FLG: variants seen among roughly 807,000 people sequenced by gnomAD.
The protein encoded by FLG is filaggrin.
In FLG, 6 loss-of-function variants were observed where a neutral mutation model predicts 3.8. The observed-to-expected ratio is 1.60, with a 90% CI of 0.87 to 3.15. FLG has a LOEUF of 3.15. Among genes scored for constraint, FLG ranks in the 30% most tolerant of loss-of-function variants. FLG has a pLI of 0.00. For missense variants in FLG, 7,595 were observed against 5,050.9 expected (o/e 1.50, Z -15.27); for synonymous variants, 2,551 against 1,931.6 (o/e 1.32, Z -8.41).
rs746611119 is a variant in FLG, at chr1:152,312,092, G to T, written c.2794C>A (p.Gln932Lys). Residue 932 changes from glutamine (Q) to lysine (K), a missense_variant, in exon 3 of 3, where the codon CAA (glutamine) becomes AAA (lysine). Gln to Lys is a moderately conservative substitution (Grantham distance 53, BLOSUM62 1). Transcript: ENST00000368799. ...CTGCTTGTCCTGGACCCCTCTGATT[G>T]TCCCTGGCCTGCCTGTGAGTGTCTA... Reference protein sequence around the residue: ...ISRHSQAGQGQSEGSRTSRRQ... With the variant: ...ISRHSQAGQGKSEGSRTSRRQ... The T allele has an allele frequency of 4.1e-5, 66 of 1,613,960 alleles. No homozygotes were observed. The highest frequency in any genetic ancestry group is 3.3e-4 in the Middle Eastern group (2 of 6,084).
rs781757341 is a variant in FLG, at chr1:152,307,610, A to G, written c.7276T>C (p.Ser2426Pro). Residue 2426 changes from serine (S) to proline (P), a missense_variant, in exon 3 of 3, where the codon TCC becomes CCC. By Grantham distance (74) the Ser-to-Pro change is moderately conservative (BLOSUM62 -1). Transcript: ENST00000368799. ...CTGGTCCCGGTCCGTCCATGGGCGG[A>G]CTCAGACTGTTCATGAGTGCTCACC... ...YQVSTHEQSE[S>P]AHGRTGTSTG... 8.1e-6 allele frequency: 13 copies of G among 1,612,394 alleles called. No homozygotes were observed. The Admixed American group carries it at 1.7e-4, about 21-fold the overall frequency.
Position 152,306,329 on chromosome 1 carries a change from G to T in FLG, c.8557C>A (p.His2853Asn), listed in dbSNP as rs757231985. The change falls in exon 3 of 3, where the codon CAC (histidine) becomes AAC (asparagine). Residue 2853 changes from histidine to asparagine, a missense_variant. Transcript: ENST00000368799. The stretch of plus-strand genomic sequence containing the variant: ...GCTTCATGGTGACGCGACCCTGAGT[G>T]CCTGGAGCCGTCTCCTGATTGTTCC... ...NEEQSGDGSR[H>N]SGSRHHEAST... 3 of 1,602,288 alleles carry T rather than the reference G, an allele frequency of 1.9e-6. No individual in the cohort carries two copies. The highest frequency in any genetic ancestry group is 2.2e-5 in the East Asian group (1 of 44,904).
In FLG at chr1:152,308,828, A is replaced by T. The variant is rs7512857; in HGVS notation, c.6058T>A (p.Ser2020Thr). Residue 2020 changes from serine (S) to threonine (T), a missense_variant, in exon 3 of 3, where the codon TCA (serine) becomes ACA (threonine). Physicochemically the swap from Ser to Thr is moderately conservative, Grantham distance 58 (BLOSUM62 1). Coordinates refer to ENST00000368799, the MANE Select transcript of FLG (RefSeq NM_002016.2). ...GAAGCTTGTCCATGCCCAATGCCTG[A>T]GTGTCTGGAGCTGTCTGCTGACTGG... is the stretch of plus-strand genomic sequence containing the variant. ...QLQSADSSRH[S>T]GIGHGQASSA... The T allele has an allele frequency of 1.5e-5, 25 of 1,613,804 alleles. No individual in the cohort carries two copies. In the African/African-American group the frequency reaches 1.9e-4, roughly 12 times the overall value.
At position 152,302,349 on chromosome 1, in the gene FLG, T is replaced by C. The variant is rs1651663200; in HGVS notation, c.*351A>G. ...GAACTGTTTTATATTTTTGGCTCCT[T>C]CGATATTTCTGAAAAAGATTAATTT... On this transcript the variant is annotated 3_prime_UTR_variant, in exon 3 of 3. Coordinates refer to ENST00000368799, the MANE Select transcript of FLG (RefSeq NM_002016.2). The C allele has an allele frequency of 6.9e-6, 2 of 291,124 alleles. No homozygotes were observed. The allele number at this position is 291,124 out of a possible 1,614,324, so 18.0% of individuals were successfully genotyped here.
Position 152,303,150 on chromosome 1 carries a change from A to G in FLG, c.11736T>C (p.His3912=), listed in dbSNP as rs1431616274. The change falls in exon 3 of 3, where the codon CAT becomes CAC. Residue 3912 remains histidine, a synonymous_variant. Coordinates refer to ENST00000368799, the MANE Select transcript of FLG (RefSeq NM_002016.2). ...CTGACTGTACAGGTGAAGACTGTAC[A>G]TGACTGGCTGTATCGCGGTGAGAGG... is the stretch of plus-strand genomic sequence containing the variant. ...PGSSHRDTAS[H]VQSSPVQSDS... is the part of the protein sequence containing the mutation. The G allele has an allele frequency of 6.2e-7, 1 of 1,614,202 alleles. No individual in the cohort carries two copies. The highest frequency in any genetic ancestry group is 8.5e-7 in the Non-Finnish European group (1 of 1,180,028).
At position 152,312,242 on chromosome 1, in the gene FLG, C is replaced by T. The variant is rs1344006895; in HGVS notation, c.2644G>A (p.Ala882Thr). The change falls in exon 3 of 3, where the codon GCC becomes ACC. Residue 882 changes from alanine to threonine, a missense_variant. Coordinates refer to ENST00000368799, the MANE Select transcript of FLG (RefSeq NM_002016.2). The part of the protein sequence containing the change: ...SHTTSQGRSD[A>T]SRGQSGSRSA... ...CTGGATCCTGACTGCCCACGGGAGG[C>T]ATCAGACCTTCCCTGGGATGTGGTG... 1.2e-6 allele frequency: 2 copies of T among 1,613,808 alleles called. No individual in the cohort carries two copies. The highest frequency in any genetic ancestry group is 2.2e-5 in the East Asian group (1 of 44,824).
At position 152,311,426 on chromosome 1, in the gene FLG, T is replaced by A. The variant is rs148527777; in HGVS notation, c.3460A>T (p.Arg1154Trp). Residue 1154 changes from arginine (R) to tryptophan (W), a missense_variant, in exon 3 of 3, where the codon AGG (arginine) becomes TGG (tryptophan). Transcript: ENST00000368799. ...SHHEQARDSSRHSASQEGQDT... is the reference protein window; with the variant it reads ...SHHEQARDSSWHSASQEGQDT... ...TGACCCTCTTGGGACGCTGAGTGCC[T>A]GGAGCTGTCTCGTGCCTGCTCGTGG... is the stretch of plus-strand genomic sequence containing the variant. 123 of 1,613,994 alleles carry A rather than the reference T, an allele frequency of 7.6e-5. No homozygotes were observed. The African/African-American group carries it at 1.3e-3, about 17-fold the overall frequency.
intron 1 of FLG, among the ~76,000 whole-genome samples, chr1:152,322,474 C>T (rs897324771): frequency 6.7e-6 from 1 of 150,278 alleles, no homozygotes; most frequent in Non-Finnish European, 1.5e-5. Context: ...GCAATAAACA[C>T]TTAGAAAATG....
Position 152,313,438 on chromosome 1 carries a change from C to T in FLG, c.1448G>A (p.Gly483Glu). Residue 483 changes from glycine to glutamate, a missense_variant, in exon 3 of 3, where the codon GGA becomes GAA. By Grantham distance (98) the Gly-to-Glu change is moderately conservative (BLOSUM62 -2). Transcript: ENST00000368799. ...STHEQPDSAHGRTGTSTGGRQ... is the reference protein window; with the variant it reads ...STHEQPDSAHERTGTSTGGRQ... ...TCCTCCAGTGCTGGTCCCGGTCCGT[C>T]CATGGGCAGAGTCAGGCTGTTCATG... 6 of 1,613,870 alleles carry T rather than the reference C, an allele frequency of 3.7e-6. No homozygotes were observed. The highest frequency in any genetic ancestry group is 5.1e-6 in the Non-Finnish European group (6 of 1,179,982).
chr1:152,311,605 G>T lies in FLG; in HGVS notation c.3281C>A (p.Pro1094His). ...GGACTCTTGGTGGCTCTGCTGATGG[G>T]GCCCATCCTGTCCATGGCCTGACAC... ...QSVSGHGQDGPHQQSHQESAR... is the reference protein window; with the variant it reads ...QSVSGHGQDGHHQQSHQESAR... Residue 1094 changes from proline (P) to histidine (H), a missense_variant, in exon 3 of 3, where the codon CCC becomes CAC. By Grantham distance (77) the Pro-to-His change is moderately conservative. Coordinates refer to ENST00000368799, the MANE Select transcript of FLG (RefSeq NM_002016.2). 4.3e-6 allele frequency: 7 copies of T among 1,613,978 alleles called. No individual in the cohort carries two copies. Among genetic ancestry groups the T allele is most frequent in the African/African-American group, 1.3e-5 (1 of 74,990 alleles).
Position 152,311,377 on chromosome 1 carries a change from C to T in FLG, c.3509G>A (p.Gly1170Glu), listed in dbSNP as rs1165979154. The change falls in exon 3 of 3, where the codon GGG (glycine) becomes GAG (glutamate). Residue 1170 changes from glycine to glutamate, a missense_variant. Gly to Glu is a moderately conservative substitution (Grantham distance 98). Transcript: ENST00000368799. ...EGQDTIRAHP[G>E]SRRGGRQGSH... ...TCCCTGCCTTCCTCCTCTCCTTGACCCCGGGTGTGCACGAATGGTGTCCTG... is the reference window on the plus strand; with the variant it reads ...TCCCTGCCTTCCTCCTCTCCTTGACTCCGGGTGTGCACGAATGGTGTCCTG... The T allele has an allele frequency of 1.2e-6, 2 of 1,613,540 alleles. No homozygotes were observed. Among genetic ancestry groups the T allele is most frequent in the East Asian group, 4.5e-5 (2 of 44,830 alleles).
rs200403762 is a variant in FLG at position 152,313,403 on chromosome 1, A to T, written c.1483T>A (p.Ser495Thr). Residue 495 changes from serine to threonine, a missense_variant, in exon 3 of 3, where the codon TCG (serine) becomes ACG (threonine). Transcript: ENST00000368799. Reference sequence around the variant, plus strand: ...CTGTCTCGTGCCTGCTCGTGGTGCGATCCTTGTCTTCCTCCAGTGCTGGTC... The same window carrying T: ...CTGTCTCGTGCCTGCTCGTGGTGCGTTCCTTGTCTTCCTCCAGTGCTGGTC... The part of the protein sequence containing the change: ...TGTSTGGRQG[S>T]HHEQARDSSR... 5.0e-6 allele frequency: 8 copies of T among 1,613,284 alleles called. No individual in the cohort carries two copies. The East Asian group carries it at 1.6e-4, about 32-fold the overall frequency.
rs372546821 is a variant in FLG at position 152,312,678 on chromosome 1, G to C, written c.2208C>G (p.Asp736Glu). ...TACCACTGGACCCTCGGTGTCCACT[G>C]TCTCTGACTGCAGATGAAGCTTGTC... ...GHGQASSAVR[D>E]SGHRGSSGSQ... The change falls in exon 3 of 3, where the codon GAC becomes GAG. Residue 736 changes from aspartate (D) to glutamate (E), a missense_variant. Transcript: ENST00000368799. 3.7e-6 allele frequency: 6 copies of C among 1,613,858 alleles called. No individual in the cohort carries two copies. The Admixed American group carries it at 6.7e-5, about 18-fold the overall frequency.
intron 1 of FLG, among the ~76,000 whole-genome samples, chr1:152,322,796 A>G (rs916979785): frequency 1.3e-5 from 2 of 151,420 alleles, no homozygotes; most frequent in Admixed American, 6.6e-5. Flanking sequence ...AAGATATCAA[A>G]TCTCCTTAAA....
intron 1 of FLG, among the ~76,000 whole-genome samples, chr1:152,320,676 T>G (rs1420911609): frequency 2.6e-5 from 4 of 151,116 alleles, no homozygotes; most frequent in African/African-American, 9.7e-5. Flanking sequence ...TATGTAAGAA[T>G]GTAGAATATT....
chr1:152,310,053 A>T lies in FLG; in HGVS notation c.4833T>A (p.Ser1611=), dbSNP rs749383320. 3 of 1,613,140 alleles carry T rather than the reference A, an allele frequency of 1.9e-6. No homozygotes were observed. Residue 1611 remains serine, a synonymous_variant, in exon 3 of 3, where the codon TCT becomes TCA. Transcript: ENST00000368799. ...CATAATGGTTTCTGGAAGCCGACTC[A>T]GACCGCCTCTCAGAGTCTTCTGAGT... The part of the protein sequence containing the change: ...EGHSEDSERR[S]ESASRNHYGS...
In FLG at chr1:152,310,023, A is replaced by C. The variant is rs765217012; in HGVS notation, c.4863T>G (p.Ser1621=). Residue 1621 remains serine, a synonymous_variant, in exon 3 of 3, where the codon TCT becomes TCG. Coordinates refer to ENST00000368799, the MANE Select transcript of FLG (RefSeq NM_002016.2). ...AGCCATGTCTTGACTGCTCCCGAGC[A>C]GATCCATAATGGTTTCTGGAAGCCG... The part of the protein sequence containing the change: ...SESASRNHYG[S]AREQSRHGSR... 93 of 1,613,786 alleles carry C rather than the reference A, an allele frequency of 5.8e-5. No homozygotes were observed. Among genetic ancestry groups the C allele is most frequent in the Middle Eastern group, 1.6e-4 (1 of 6,082 alleles).
At position 152,308,326 on chromosome 1, in the gene FLG, C is replaced by A; in HGVS notation, c.6560G>T (p.Arg2187Ile). The A allele has an allele frequency of 6.2e-6, 10 of 1,613,756 alleles. No individual in the cohort carries two copies. The highest frequency in any genetic ancestry group is 5.3e-5 in the African/African-American group (4 of 75,008). Residue 2187 changes from arginine to isoleucine, a missense_variant, in exon 3 of 3, where the codon AGA becomes ATA. Coordinates refer to ENST00000368799, the MANE Select transcript of FLG (RefSeq NM_002016.2). ...GTCATATGTTTTTCTGCTTGCACTT[C>A]TGGATCCTGACTGCCCACGGGAGGC... ...SDASRGQSGS[R>I]SASRKTYDKE...
At chr1:152,315,499 G>A (rs1237731340) in intron 1 of FLG, 22 bp from the exon 2 acceptor site, 2 of 1,577,916 alleles carry the variant, frequency 1.3e-6, no homozygotes, top group African/African-American at 2.7e-5. Flanking sequence ...AAATGAAAAT[G>A]CACTTTTTTA....
Sources: allele counts gnomAD v4.1 joint callset (sites outside exome capture counted in the v4.1 genomes callset), GRCh38; gene constraint gnomAD v4.1.1; transcripts MANE v1.5; gene names NCBI Gene and HGNC (gene_info 2026-07-23, HGNC 2026-07-21).